The following COL27A1 variants were observed in gnomAD, a reference collection of about 807,000 sequenced individuals.
COL27A1 encodes collagen alpha-1(XXVII) chain.
COL27A1 carries 106 observed loss-of-function variants against 251.3 expected under a neutral mutation model. The ratio of observed to expected loss-of-function variants is 0.42; its 90% CI spans 0.36 to 0.50. The LOEUF is 0.50. Ranked by LOEUF, COL27A1 falls within the 20% of genes least tolerant of loss-of-function variation. The pLI is 0.00. For missense variants in COL27A1, 2,325 were observed against 2,522.8 expected (o/e 0.92, Z 1.68); for synonymous variants, 1,000 against 986.3 (o/e 1.01, Z -0.26).
rs568951412 is a variant in COL27A1, at chr9:114,190,013, A to G, written c.2017-4391A>G. Among the ~76,000 whole-genome samples the G allele has an allele frequency of 9.2e-5, 14 of 152,264 alleles. No homozygotes were observed. In the South Asian group the frequency reaches 2.9e-3, roughly 32 times the overall value. On this transcript the variant is annotated intron_variant, in intron 5 of 60. Transcript: ENST00000356083. ...TTATTTATTTTTCCTGCCTTATTGC[A>G]TTGTCCAGAACTTCTAGACCCATGA... is the stretch of plus-strand genomic sequence containing the variant.
chr9:114,219,641 G>C, intron 12 of COL27A1, 150 bp from the exon 13 acceptor site: 1 of 553,604 alleles, frequency 1.8e-6, no homozygotes, highest in Non-Finnish European at 3.3e-6. Context: ...GATGGTAGGG[G>C]TGACCTCAGG....
At chr9:114,309,634 A>G (rs1829312054) in intron 60 of COL27A1, among the ~76,000 whole-genome samples, 156 bp downstream of exon 60, 2 of 152,186 alleles carry the variant, frequency 1.3e-5, no homozygotes, top group Non-Finnish European at 2.9e-5. Flanking sequence ...GTAATATAAC[A>G]GTTTTCTAAA....
chr9:114,236,732 G>C (rs533205276), intron 17 of COL27A1, among the ~76,000 whole-genome samples: 6 of 152,306 alleles, frequency 3.9e-5, no homozygotes, highest in Admixed American at 1.3e-4. Flanking sequence ...TGCAGCCCCA[G>C]GGTCCCTGAT....
At chr9:114,257,719 G>A (rs942430535) in intron 27 of COL27A1, among the ~76,000 whole-genome samples, 4 of 151,916 alleles carry the variant, frequency 2.6e-5, no homozygotes, top group Non-Finnish European at 4.4e-5. Context: ...TGCCCTCTCC[G>A]CCTCCCAAGC....
chr9:114,242,322 G>A lies in COL27A1; in HGVS notation c.2880+91G>A, dbSNP rs1181611328. ...CAACATCTGGCCAGTGCTCCAGAGG[G>A]AAGTCATCAGTGAGGGCCTTGGACC... On this transcript the variant is annotated intron_variant, in intron 22 of 60. Transcript: ENST00000356083. 4 of 1,147,366 alleles carry A rather than the reference G, an allele frequency of 3.5e-6. No homozygotes were observed. The African/African-American group carries it at 6.2e-5, about 18-fold the overall frequency. The allele number at this position is 1,147,366 out of a possible 1,614,324, so 71.1% of individuals were successfully genotyped here.
intron 7 of COL27A1, among the ~76,000 whole-genome samples, chr9:114,200,944 T>C (rs1339990178): frequency 2.0e-5 from 3 of 151,930 alleles, no homozygotes; most frequent in Non-Finnish European, 4.4e-5. Flanking sequence ...GGACAGCCGA[T>C]GTCTGAGTAC....
chr9:114,284,666 T>TGTCCTTTGTCCTTCCTGAGTCCTC, intron 40 of COL27A1, 58 bp from the exon 41 acceptor site: 1 of 1,575,432 alleles, frequency 6.3e-7, no homozygotes, highest in Non-Finnish European at 8.7e-7. Context: ...TTGGAGTCCA[T>TGTCCTTTGTCCTTCCTGAGTCCTC]GTCCTTTGTC....
chr9:114,158,536 C>A (rs1436126455), intron 1 of COL27A1, among the ~76,000 whole-genome samples: 3 of 152,212 alleles, frequency 2.0e-5, no homozygotes, highest in Non-Finnish European at 2.9e-5. Flanking sequence ...CCTCCCTGGC[C>A]TCTGTGCTCT....
chr9:114,293,463 C>G (rs1366811023), intron 49 of COL27A1, among the ~76,000 whole-genome samples: 1 of 149,938 alleles, frequency 6.7e-6, no homozygotes, highest in Admixed American at 6.7e-5. Context: ...CGGATTCCGT[C>G]TTAAGAAACT....
At chr9:114,278,981 T>C (rs77066810) in intron 37 of COL27A1, among the ~76,000 whole-genome samples, 2,437 of 152,246 alleles carry the variant, frequency 0.016, 68 homozygotes, top group African/African-American at 0.056. Context: ...ATGTATGCTC[T>C]CGGCTGGAGA....
intron 15 of COL27A1, 41 bp downstream of exon 15, chr9:114,231,173 C>G (rs746375024): frequency 6.3e-7 from 1 of 1,587,530 alleles, no homozygotes; most frequent in South Asian, 1.1e-5. Context: ...CTTGTCCAAG[C>G]TGGGCACCCC....
chr9:114,245,192 G>A (rs1833048661), intron 23 of COL27A1, among the ~76,000 whole-genome samples: 1 of 113,440 alleles, frequency 8.8e-6, no homozygotes, highest in African/African-American at 3.4e-5. Flanking sequence ...TCTCGCTCTT[G>A]TCACCCAGAC....
intron 28 of COL27A1, among the ~76,000 whole-genome samples, chr9:114,262,735 G>A (rs1834434898): frequency 6.6e-6 from 1 of 152,242 alleles, no homozygotes; most frequent in Non-Finnish European, 1.5e-5. Flanking sequence ...TGGGCACCAG[G>A]CCCTGGGCTT....
intron 58 of COL27A1, 137 bp from the exon 59 acceptor site, chr9:114,307,532 C>T: frequency 1.5e-6 from 1 of 674,574 alleles, no homozygotes; most frequent in Admixed American, 2.3e-5. Context: ...TGGAGGAATC[C>T]CTTTTCTGCT....
At chr9:114,214,365 G>C (rs1830573676) in intron 12 of COL27A1, among the ~76,000 whole-genome samples, 1 of 152,190 alleles carries the variant, frequency 6.6e-6, no homozygotes. Flanking sequence ...CGTCATTTCT[G>C]GCAGGGCTGG....
intron 5 of COL27A1, among the ~76,000 whole-genome samples, chr9:114,188,612 A>G (rs1209803998): frequency 1.3e-5 from 2 of 152,158 alleles, no homozygotes; most frequent in African/African-American, 4.8e-5. Flanking sequence ...ATATACCAAG[A>G]TATATTTGTA....
intron 24 of COL27A1, among the ~76,000 whole-genome samples, chr9:114,249,140 G>A (rs963172328): frequency 6.6e-6 from 1 of 152,200 alleles, no homozygotes; most frequent in Non-Finnish European, 1.5e-5. Context: ...AAGACTGAAT[G>A]ACAGTTACAT....
In COL27A1 at chr9:114,235,660, C is replaced by A; in HGVS notation, c.2619+8C>A. The A allele has an allele frequency of 6.2e-7, 1 of 1,610,302 alleles. No individual in the cohort carries two copies. Among genetic ancestry groups the A allele is most frequent in the Non-Finnish European group, 8.5e-7 (1 of 1,176,662 alleles). On this transcript the variant is annotated splice_region_variant and intron_variant, in intron 17 of 60. Transcript: ENST00000356083. ...GGATTCCAAGGAGACAAGGTAATTG[C>A]ATGAGATTTTCCCCTCCCCCTGCCC... is the stretch of plus-strand genomic sequence containing the variant.
intron 41 of COL27A1, among the ~76,000 whole-genome samples, chr9:114,285,553 C>G (rs1040207137): frequency 4.6e-5 from 7 of 152,338 alleles, no homozygotes; most frequent in South Asian, 2.1e-4. Flanking sequence ...CCCCAGCACG[C>G]CTTTCTTTTG....
Sources: allele counts gnomAD v4.1 joint callset (sites outside exome capture counted in the v4.1 genomes callset), GRCh38; gene constraint gnomAD v4.1.1; transcripts MANE v1.5; gene names NCBI Gene and HGNC (gene_info 2026-07-23, HGNC 2026-07-21).